RRP8: variants seen among roughly 807,000 people sequenced by gnomAD.
RRP8 encodes the protein ribosomal RNA-processing protein 8.
Under a neutral mutation model 45.0 loss-of-function variants are expected in RRP8, and 48 were observed. The ratio of observed to expected loss-of-function variants is 1.07; its 90% CI spans 0.85 to 1.36. RRP8 has a LOEUF of 1.36. Among genes scored for constraint, RRP8 ranks in the 40% most tolerant of loss-of-function variants. The pLI is 0.00. For missense variants in RRP8, 658 were observed against 573.7 expected (o/e 1.15, Z -1.50); for synonymous variants, 274 against 212.4 (o/e 1.29, Z -2.52).
chr11:6,603,479 G>T lies in RRP8; in HGVS notation c.24C>A (p.Ala8=). 1 of 1,594,578 alleles carries T rather than the reference G, an allele frequency of 6.3e-7. No individual in the cohort carries two copies. ...GGCCCGCGGCTACTGGGGCCGCCTC[G>T]GCCCACTCAGGCTCTTCGAACATGA... MFEEPEW[A]EAAPVAAGLG... Residue 8 remains alanine, a synonymous_variant, in exon 1 of 7, where the codon GCC becomes GCA. Transcript: ENST00000254605.
At position 6,601,430 on chromosome 11, in the gene RRP8, T is replaced by C. The variant is rs745339941; in HGVS notation, c.636A>G (p.Pro212=). 6.2e-7 allele frequency: 1 copy of C among 1,614,204 alleles called. No individual in the cohort carries two copies. The highest frequency in any genetic ancestry group is 1.1e-5 in the South Asian group (1 of 91,092). The change falls in exon 3 of 7, where the codon CCA becomes CCG. Residue 212 remains proline (P), a synonymous_variant. Transcript: ENST00000254605. ...FQPPQVPDQA[P]AEAPTEKTEV... ...CTGTCTTCTCTGTGGGGGCCTCAGC[T>C]GGGGCCTGGTCTGGCACCTGAGGTG...
Position 6,600,623 on chromosome 11 carries a change from T to C in RRP8, c.1155-41A>G, listed in dbSNP as rs112600447. On this transcript the variant is annotated intron_variant, in intron 5 of 6. Transcript: ENST00000254605. ...AGTTCTGTGTAAGTGCACAGACTCA[T>C]GCATGCACACATACATACATGCATC... 143 of 1,610,668 alleles carry C rather than the reference T, an allele frequency of 8.9e-5. No homozygotes were observed. The African/African-American group carries it at 1.3e-3, about 15-fold the overall frequency.
chr11:6,601,919 T>C lies in RRP8; in HGVS notation c.396A>G (p.Arg132=). The C allele has an allele frequency of 6.2e-7, 1 of 1,614,192 alleles. No homozygotes were observed. Among genetic ancestry groups the C allele is most frequent in the Non-Finnish European group, 8.5e-7 (1 of 1,180,010 alleles). Residue 132 remains arginine (R), a synonymous_variant, in exon 2 of 7, where the codon AGA becomes AGG. Transcript: ENST00000254605. ...VGSDSAEDEK[R]KRKCQKHAPI... ...GGGCATGTTTCTGGCATTTCCTCTT[T>C]CTTTTCTCATCTTCAGCAGAGTCAC...
intron 6 of RRP8, 29 bp from the exon 7 acceptor site, chr11:6,600,294 C>T: frequency 1.4e-6 from 2 of 1,480,066 alleles, no homozygotes; most frequent in Non-Finnish European, 1.8e-6. Flanking sequence ...CAGTGAGAAC[C>T]AAATCCTCAT....
rs142644288 is a variant in RRP8, at chr11:6,600,536, G to C, written c.1201C>G (p.Arg401Gly). 5 of 1,613,986 alleles carry C rather than the reference G, an allele frequency of 3.1e-6. No homozygotes were observed. In the South Asian group the frequency reaches 4.4e-5, roughly 14 times the overall value. Reference protein sequence around the residue: ...AEVSSRFEDVRTFLRAVTKLG... With the variant: ...AEVSSRFEDVGTFLRAVTKLG... ...TTGGTCACAGCCCGCAGAAAGGTTCGAACATCCTCAAAGCGGCTGCTGACC... is the reference window on the plus strand; with the variant it reads ...TTGGTCACAGCCCGCAGAAAGGTTCCAACATCCTCAAAGCGGCTGCTGACC... The change falls in exon 6 of 7, where the codon CGA becomes GGA. Residue 401 changes from arginine to glycine, a missense_variant. Transcript: ENST00000254605.
rs1854240255 is a variant in RRP8 at position 6,597,157 on chromosome 11, G to A, written c.*2989C>T. On this transcript the variant is annotated 3_prime_UTR_variant, in exon 7 of 7. Transcript: ENST00000254605. Reference sequence around the variant, plus strand: ...CCAGCTCTGCCCCAGCTAAGTCTAGGAGCCTGCACTGGGAAAGGGAGGAGT... The same window carrying A: ...CCAGCTCTGCCCCAGCTAAGTCTAGAAGCCTGCACTGGGAAAGGGAGGAGT... 1 of 152,130 alleles carries A rather than the reference G, an allele frequency of 6.6e-6. No individual in the cohort carries two copies. Among genetic ancestry groups the A allele is most frequent in the Non-Finnish European group, 1.5e-5 (1 of 68,048 alleles). The allele number at this position is 152,130 out of a possible 1,614,324, so 9.4% of individuals were successfully genotyped here. A position where few individuals can be genotyped will look rare whatever the true frequency, so the allele number is the denominator to read the frequency against.
chr11:6,601,841 T>A lies in RRP8; in HGVS notation c.463+11A>T. On this transcript the variant is annotated intron_variant, in intron 2 of 6. Coordinates refer to ENST00000254605, the MANE Select transcript of RRP8 (RefSeq NM_015324.4). ...ACACCAACACACACACATATACACA[T>A]CCAATGGTACCTGTTTGGTCAACAT... The A allele has an allele frequency of 2.5e-6, 4 of 1,598,774 alleles. No homozygotes were observed. The highest frequency in any genetic ancestry group is 3.4e-6 in the Non-Finnish European group (4 of 1,171,536).
At position 6,603,425 on chromosome 11, in the gene RRP8, A is replaced by C. The variant is rs753320449; in HGVS notation, c.78T>G (p.Pro26=). 1.2e-6 allele frequency: 2 copies of C among 1,601,528 alleles called. No homozygotes were observed. Among genetic ancestry groups the C allele is most frequent in the Non-Finnish European group, 1.7e-6 (2 of 1,174,714 alleles). The part of the protein sequence containing the change: ...GLGPVISRPP[P]AASSQNKGSK... ...TCACCTTGTTTTGCGAGGAGGCCGC[A>C]GGCGGAGGTCGTGAGATTACGGGCC... is the stretch of plus-strand genomic sequence containing the variant. Residue 26 remains proline (P), a synonymous_variant, in exon 1 of 7, where the codon CCT becomes CCG. Transcript: ENST00000254605.
In RRP8 at chr11:6,600,959, C is replaced by T. The variant is rs747081197; in HGVS notation, c.1014G>A (p.Leu338=). The T allele has an allele frequency of 4.3e-6, 7 of 1,614,126 alleles. No individual in the cohort carries two copies. The highest frequency in any genetic ancestry group is 5.9e-6 in the Non-Finnish European group (7 of 1,180,018). The change falls in exon 4 of 7, where the codon CTG becomes CTA. Residue 338 remains leucine (L), a synonymous_variant. Coordinates refer to ENST00000254605, the MANE Select transcript of RRP8 (RefSeq NM_015324.4). ...TGTCACACACAGTGACCCTAGGGTC[C>T]AGAGAAGCCAAGTCAAAGCAATGCA... ...NPVHCFDLAS[L]DPRVTVCDMA...
In RRP8 at chr11:6,601,158, A is replaced by C; in HGVS notation, c.908T>G (p.Leu303Arg). The change falls in exon 3 of 7, where the codon CTT (leucine) becomes CGT (arginine). Residue 303 changes from leucine to arginine, a missense_variant. Leu to Arg is a moderately radical substitution (Grantham distance 102, BLOSUM62 -2). Transcript: ENST00000254605. ...CCTGACCCCCATTCACCGCTGGCGA[A>C]GATCCCTGGCGATGCGGTCCACTGG... ...LQPVDRIARD[L>R]RQRPASLVVA... The C allele has an allele frequency of 2.5e-6, 4 of 1,613,908 alleles. No homozygotes were observed. Among genetic ancestry groups the C allele is most frequent in the Non-Finnish European group, 3.4e-6 (4 of 1,179,882 alleles).
Position 6,600,216 on chromosome 11 carries a change from G to A in RRP8, c.1301C>T (p.Pro434Leu). 1.2e-6 allele frequency: 2 copies of A among 1,606,844 alleles called. No homozygotes were observed. Among genetic ancestry groups the A allele is most frequent in the South Asian group, 1.1e-5 (1 of 89,944 alleles). Residue 434 changes from proline to leucine, a missense_variant, in exon 7 of 7, where the codon CCC becomes CTC. Pro to Leu is a moderately conservative substitution (Grantham distance 98, BLOSUM62 -3). Transcript: ENST00000254605. ...FFLFDFQKTG[P>L]PLVGPKAQLS... ...CTGAGCCTTGGGCCCTACCAGAGGG[G>A]GCCCAGTCTTTTGGAAATCAAACAA...
chr11:6,603,153 T>C (rs1854486385), intron 1 of RRP8, among the ~76,000 whole-genome samples: 3 of 152,238 alleles, frequency 2.0e-5, no homozygotes, highest in Non-Finnish European at 4.4e-5. Context: ...TGACAGAACA[T>C]GCTCTCTTGT....
intron 2 of RRP8, 72 bp downstream of exon 2, chr11:6,601,780 C>G: frequency 1.3e-6 from 2 of 1,508,790 alleles, no homozygotes; most frequent in Non-Finnish European, 1.8e-6. Flanking sequence ...GATAATCACT[C>G]TTGTATGTAG....
In RRP8 at chr11:6,600,794, T is replaced by C; in HGVS notation, c.1048-19A>G. On this transcript the variant is annotated intron_variant, in intron 4 of 6. Coordinates refer to ENST00000254605, the MANE Select transcript of RRP8 (RefSeq NM_015324.4). ...GAGGAACCTGTGGAGAGTGAGAGTGTTGTATAAGGCACACAGTGCAGAAGA... is the reference window on the plus strand; with the variant it reads ...GAGGAACCTGTGGAGAGTGAGAGTGCTGTATAAGGCACACAGTGCAGAAGA... The C allele has an allele frequency of 2.5e-6, 4 of 1,610,890 alleles. No homozygotes were observed. The highest frequency in any genetic ancestry group is 1.1e-5 in the South Asian group (1 of 90,992).
chr11:6,600,188 A>G lies in RRP8; in HGVS notation c.1329T>C (p.Leu443=). 2 of 1,604,198 alleles carry G rather than the reference A, an allele frequency of 1.2e-6. No homozygotes were observed. Among genetic ancestry groups the G allele is most frequent in the Non-Finnish European group, 8.5e-7 (1 of 1,176,742 alleles). Reference sequence around the variant, plus strand: ...GACATGGCTGAAGCTGCAGGCCTGAAAGCTGAGCCTTGGGCCCTACCAGAG... The same window carrying G: ...GACATGGCTGAAGCTGCAGGCCTGAGAGCTGAGCCTTGGGCCCTACCAGAG... The part of the protein sequence containing the change: ...GPPLVGPKAQ[L]SGLQLQPCLY... Residue 443 remains leucine (L), a synonymous_variant, in exon 7 of 7, where the codon CTT becomes CTC. Transcript: ENST00000254605.
intron 1 of RRP8, among the ~76,000 whole-genome samples, chr11:6,603,096 C>T (rs1854481893): frequency 6.6e-6 from 1 of 152,222 alleles, no homozygotes; most frequent in East Asian, 1.9e-4. Flanking sequence ...ATGCCCCTTT[C>T]ATTTACTATG....
chr11:6,603,453 A>G lies in RRP8; in HGVS notation c.50T>C (p.Leu17Pro), dbSNP rs754773299. 3 of 1,603,568 alleles carry G rather than the reference A, an allele frequency of 1.9e-6. No homozygotes were observed. The highest frequency in any genetic ancestry group is 3.4e-5 in the Admixed American group (2 of 58,804). The change falls in exon 1 of 7, where the codon CTT (leucine) becomes CCT (proline). Residue 17 changes from leucine (L) to proline (P), a missense_variant. Coordinates refer to ENST00000254605, the MANE Select transcript of RRP8 (RefSeq NM_015324.4). ...WAEAAPVAAG[L>P]GPVISRPPPA... ...CGGAGGTCGTGAGATTACGGGCCCA[A>G]GGCCCGCGGCTACTGGGGCCGCCTC...
intron 1 of RRP8, among the ~76,000 whole-genome samples, chr11:6,602,557 G>C (rs1854442086): frequency 6.6e-6 from 1 of 152,230 alleles, no homozygotes; most frequent in African/African-American, 2.4e-5. Flanking sequence ...ATTTCTGTAA[G>C]AGGTAAGGAG....
At chr11:6,603,349 C>T (rs1371050514) in intron 1 of RRP8, 55 bp downstream of exon 1, 2 of 1,311,732 alleles carry the variant, frequency 1.5e-6, no homozygotes, top group African/African-American at 3.0e-5. Flanking sequence ...CTGGGATCCA[C>T]CAATGTCCGC....
Sources: allele counts gnomAD v4.1 joint callset (sites outside exome capture counted in the v4.1 genomes callset), GRCh38; gene constraint gnomAD v4.1.1; transcripts MANE v1.5; gene names NCBI Gene and HGNC (gene_info 2026-07-23, HGNC 2026-07-21).